CACNA1A: variants seen among roughly 807,000 people sequenced by gnomAD.
CACNA1A encodes calcium voltage-gated channel subunit alpha1 A.
A neutral mutation model predicts 262.4 loss-of-function variants in CACNA1A; 57 were observed. That is an observed-to-expected ratio of 0.22 (90% confidence interval 0.18 to 0.27). CACNA1A has a LOEUF of 0.27. Among genes scored for constraint, CACNA1A ranks in the 10% least tolerant of loss-of-function variants. The pLI is 1.00. For missense variants in CACNA1A, 2,526 were observed against 3,562.8 expected, an observed-to-expected ratio of 0.71 and a Z score of 7.41; for synonymous variants, 1,431 against 1,419.3, an observed-to-expected ratio of 1.01 and a Z score of -0.18.
intron 6 of CACNA1A, among the ~76,000 whole-genome samples, chr19:13,338,202 G>A (rs369767747): frequency 1.2e-4 from 19 of 152,008 alleles, no homozygotes; most frequent in African/African-American, 2.7e-4. Context: ...GCAACAGAGC[G>A]AGACTTCGTC....
chr19:13,234,811 G>T (rs2055818949), intron 34 of CACNA1A, 110 bp downstream of exon 34: 1 of 761,306 alleles, frequency 1.3e-6, no homozygotes, highest in Non-Finnish European at 2.3e-6. Context: ...GAAGGAGGAG[G>T]GCACGTCTTG....
intron 6 of CACNA1A, among the ~76,000 whole-genome samples, chr19:13,354,427 G>A (rs1458247496): frequency 6.6e-6 from 1 of 152,192 alleles, no homozygotes; most frequent in Non-Finnish European, 1.5e-5. Context: ...GGCAGGGCTA[G>A]CCCAAGGGAG....
At chr19:13,220,910 G>A (rs1217636365) in intron 38 of CACNA1A, among the ~76,000 whole-genome samples, 1 of 152,038 alleles carries the variant, frequency 6.6e-6, no homozygotes, top group Non-Finnish European at 1.5e-5. Context: ...ACAGGTGTGA[G>A]CCACTGCTCC....
chr19:13,357,066 C>T (rs1248476500), intron 6 of CACNA1A, among the ~76,000 whole-genome samples: 1 of 152,182 alleles, frequency 6.6e-6, no homozygotes, highest in Non-Finnish European at 1.5e-5. Context: ...TTGTGCAGTG[C>T]GTGACAGGCG....
Position 13,298,858 on chromosome 19 carries a change from G to A in CACNA1A, c.2775C>T (p.Ala925=). ...FWEGEAERGK[A]GDPHRRHVHR... The stretch of plus-strand genomic sequence containing the variant: ...GCACGTGCCTCCGGTGGGGGTCCCC[G>A]GCCTTGCCTCGCTCGGCCTCGCCCT... The change falls in exon 19 of 47, where the codon GCC becomes GCT. Residue 925 remains alanine, a synonymous_variant. Transcript: ENST00000360228. 6.3e-7 allele frequency: 1 copy of A among 1,587,790 alleles called. No homozygotes were observed. The highest frequency in any genetic ancestry group is 8.5e-7 in the Non-Finnish European group (1 of 1,175,540).
chr19:13,228,794 C>G (rs141565870), intron 36 of CACNA1A: 2 of 1,572,258 alleles, frequency 1.3e-6, no homozygotes, highest in East Asian at 4.8e-5. Flanking sequence ...TGAATCCGAC[C>G]GCTGAAAGGA....
At chr19:13,498,474 T>C (rs1044321139) in intron 1 of CACNA1A, among the ~76,000 whole-genome samples, 1 of 152,098 alleles carries the variant, frequency 6.6e-6, no homozygotes, top group Non-Finnish European at 1.5e-5. Flanking sequence ...TCTTGAATCC[T>C]GTTATTTGGG....
At chr19:13,228,474 A>G (rs2055548762) in intron 36 of CACNA1A, 1 of 176,576 alleles carries the variant, frequency 5.7e-6, no homozygotes, top group Non-Finnish European at 1.2e-5. Context: ...AAGATGGCTG[A>G]AGGCTGAAGG....
intron 12 of CACNA1A, among the ~76,000 whole-genome samples, chr19:13,310,181 C>T (rs901794946): frequency 6.6e-6 from 1 of 151,828 alleles, no homozygotes; most frequent in Non-Finnish European, 1.5e-5. Context: ...TAAGGCGGGG[C>T]GTGGTGGCTC....
At chr19:13,353,559 T>C (rs555989775) in intron 6 of CACNA1A, among the ~76,000 whole-genome samples, 1 of 152,326 alleles carries the variant, frequency 6.6e-6, no homozygotes, top group African/African-American at 2.4e-5. Flanking sequence ...TGATCTCCTA[T>C]TGTCAGGCTT....
chr19:13,434,790 A>T (rs145924346), intron 3 of CACNA1A, among the ~76,000 whole-genome samples: 272 of 151,520 alleles, frequency 1.8e-3, no homozygotes, highest in Middle Eastern at 6.8e-3. Context: ...TTATTTATTT[A>T]TTATTATTAT....
chr19:13,327,048 C>G (rs1166610429), intron 10 of CACNA1A, among the ~76,000 whole-genome samples: 1 of 151,824 alleles, frequency 6.6e-6, no homozygotes, highest in Non-Finnish European at 1.5e-5. Context: ...GCCACAATGC[C>G]CAGCTAATAT....
Position 13,506,383 on chromosome 19 carries a change from G to GCGGCGGCT in CACNA1A, c.-167_-160dup. On this transcript the variant is annotated 5_prime_UTR_variant, in exon 1 of 47. Coordinates refer to ENST00000360228, the MANE Select transcript of CACNA1A (RefSeq NM_001127222.2). ...GCTCCACGGCCCAGCCCATCGGGCG[G>GCGGCGGCT]CGGCGGCTCGGCGCCTCGGGTCGGG... is the stretch of plus-strand genomic sequence containing the variant. 1.8e-6 allele frequency: 1 copy of GCGGCGGCT among 562,944 alleles called. No homozygotes were observed. The highest frequency in any genetic ancestry group is 3.6e-5 in the East Asian group (1 of 27,814). The allele number at this position is 562,944 out of a possible 1,614,324, so 34.9% of individuals were successfully genotyped here. A position where few individuals can be genotyped will look rare whatever the true frequency, so the allele number is the denominator to read the frequency against.
At chr19:13,277,042 G>A (rs766532959) in intron 23 of CACNA1A, 27 bp downstream of exon 23, 21 of 1,547,408 alleles carry the variant, frequency 1.4e-5, no homozygotes, top group Non-Finnish European at 1.8e-6. Flanking sequence ...AAATTACCGT[G>A]TGTTCTCACT....
intron 3 of CACNA1A, chr19:13,451,490 C>T (rs912050268): frequency 1.3e-5 from 2 of 152,220 alleles, no homozygotes; most frequent in Non-Finnish European, 2.9e-5. Flanking sequence ...ACTAATGTCC[C>T]TACTGGAATC....
rs74182204 is a variant in CACNA1A at position 13,347,931 on chromosome 19, T to G, written c.978+11675A>C. 4.0e-5 allele frequency among the ~76,000 whole-genome samples: 6 copies of G among 149,352 alleles called. 1 individual carries two copies. In the Admixed American group the frequency reaches 4.1e-4, roughly 10 times the overall value. ...TATTTATTTATTTTTAATTATTAGG[T>G]TTTTTTTGAGACAGGGTCTGGTTCT... On this transcript the variant is annotated intron_variant, in intron 6 of 46. Coordinates refer to ENST00000360228, the MANE Select transcript of CACNA1A (RefSeq NM_001127222.2).
rs1162488394 is a variant in CACNA1A, at chr19:13,207,855, CCGCCTG to C, written c.6973_6978del (p.Gln2325_Ala2326del). The C allele has an allele frequency of 8.3e-6, 12 of 1,442,946 alleles. No individual in the cohort carries two copies. The highest frequency in any genetic ancestry group is 2.4e-4 in the Middle Eastern group (1 of 4,156). The allele number at this position is 1,442,946 out of a possible 1,614,324, so 89.4% of individuals were successfully genotyped here. A position where few individuals can be genotyped will look rare whatever the true frequency, so the allele number is the denominator to read the frequency against. ...GTGGCCGCCCGGCCCGGCCTGGCCA[CCGCCTG>C]CTGCTGCTGCTGCTGCTGCTGCTGC... On this transcript the variant is annotated inframe_deletion, in exon 47 of 47. Coordinates refer to ENST00000360228, the MANE Select transcript of CACNA1A (RefSeq NM_001127222.2). This position sits in a 1 kb window ranked among gnomAD's most constrained non-coding sequence, Gnocchi z 5.7.
At chr19:13,490,790 G>A (rs935502430) in intron 1 of CACNA1A, among the ~76,000 whole-genome samples, 1 of 146,744 alleles carries the variant, frequency 6.8e-6, no homozygotes, top group Non-Finnish European at 1.5e-5. Flanking sequence ...GGAAAGAAAG[G>A]AAAGAGAAAG....
intron 38 of CACNA1A, among the ~76,000 whole-genome samples, chr19:13,221,420 A>G (rs922637581): frequency 1.3e-5 from 2 of 149,234 alleles, no homozygotes; most frequent in African/African-American, 5.0e-5. Flanking sequence ...TTTAGTGGAG[A>G]TGGGGTTTCG....
Sources: gnomAD v4.1 joint callset for allele counts (sites outside exome capture counted in the v4.1 genomes callset) on GRCh38, gnomAD v4.1.1 for gene constraint, Gnocchi (gnomAD v3.1) non-coding constraint, MANE v1.5 for transcripts, NCBI Gene and HGNC (gene_info 2026-07-23, HGNC 2026-07-21) for gene names.